Variants in RNF145 observed in about 807,000 individuals in gnomAD.
The protein encoded by RNF145 is ring finger protein 145.
RNF145 carries 12 observed loss-of-function variants against 57.3 expected under a neutral mutation model. The observed-to-expected ratio is 0.21, with a 90% CI of 0.13 to 0.34. The LOEUF is 0.34. RNF145 is among the 10% of genes least tolerant of loss of function. The pLI is 1.00. For synonymous variants in RNF145, 262 were observed against 288.3 expected, an observed-to-expected ratio of 0.91 and a Z score of 0.92; for missense variants, 429 against 799.0, an observed-to-expected ratio of 0.54 and a Z score of 5.58.
chr5:159,187,774 T>C (rs985883776), intron 3 of RNF145, among the ~76,000 whole-genome samples: 1 of 152,136 alleles, frequency 6.6e-6, no homozygotes, highest in Non-Finnish European at 1.5e-5. Flanking sequence ...CAACATCCTA[T>C]AATGCACAGG....
rs1457356848 is a variant in RNF145, at chr5:159,176,789, G to T, written c.464C>A (p.Pro155His). 1 of 1,612,622 alleles carries T rather than the reference G, an allele frequency of 6.2e-7. No individual in the cohort carries two copies. Among genetic ancestry groups the T allele is most frequent in the Non-Finnish European group, 8.5e-7 (1 of 1,179,022 alleles). Residue 155 changes from proline (P) to histidine (H), a missense_variant, in exon 5 of 11, where the codon CCT becomes CAT. By Grantham distance (77) the Pro-to-His change is moderately conservative. Transcript: ENST00000424310. The stretch of plus-strand genomic sequence containing the variant: ...AACAAGGCAGAGTCGTGCTAGCAGA[G>T]GAAGCATGTGAGCTGAAAACAGCCA... The part of the protein sequence containing the change: ...QIWLFSAHML[P>H]LLARLCLVPL...
At position 159,158,649 on chromosome 5, in the gene RNF145, A is replaced by G; in HGVS notation, c.*21T>C. ...AACTTCTCCTCCAGAGTATCAAAGC[A>G]TCATTCCTGCTGCTTCTCCTCTAGG... On this transcript the variant is annotated 3_prime_UTR_variant, in exon 11 of 11. Coordinates refer to ENST00000424310, the MANE Select transcript of RNF145 (RefSeq NM_001199383.2). 6.2e-7 allele frequency: 1 copy of G among 1,605,732 alleles called. No homozygotes were observed. The highest frequency in any genetic ancestry group is 8.5e-7 in the Non-Finnish European group (1 of 1,174,482).
intron 1 of RNF145, among the ~76,000 whole-genome samples, chr5:159,205,130 C>T (rs374503690): frequency 6.6e-6 from 1 of 152,134 alleles, no homozygotes; most frequent in African/African-American, 2.4e-5. Context: ...TCAATAAAAG[C>T]TTTTCAATAA....
chr5:159,188,819 T>C (rs1350661940), intron 3 of RNF145, among the ~76,000 whole-genome samples: 1 of 152,214 alleles, frequency 6.6e-6, no homozygotes, highest in African/African-American at 2.4e-5. Context: ...AGTTTCATTA[T>C]GTAAATACAC....
chr5:159,161,865 C>A (rs1784228812), intron 9 of RNF145, among the ~76,000 whole-genome samples: 1 of 152,186 alleles, frequency 6.6e-6, no homozygotes, highest in Non-Finnish European at 1.5e-5. Context: ...GCCACACCGT[C>A]AGACGTGACT....
chr5:159,163,313 T>C (rs562303326), intron 8 of RNF145, among the ~76,000 whole-genome samples: 2 of 152,350 alleles, frequency 1.3e-5, no homozygotes, highest in African/African-American at 2.4e-5. Flanking sequence ...TGTTCCTCAA[T>C]AGTTTGCTTT....
intron 4 of RNF145, among the ~76,000 whole-genome samples, chr5:159,179,600 A>T (rs1375454917): frequency 2.0e-5 from 3 of 152,146 alleles, no homozygotes; most frequent in African/African-American, 7.2e-5. Flanking sequence ...GGCCACTGAT[A>T]AGAAGAGTTT....
intron 3 of RNF145, among the ~76,000 whole-genome samples, chr5:159,184,428 T>C (rs1784993936): frequency 6.6e-6 from 1 of 152,196 alleles, no homozygotes; most frequent in Non-Finnish European, 1.5e-5. Context: ...TAGACTCTGC[T>C]AATACTGCAC....
chr5:159,196,018 C>T (rs892912067), intron 2 of RNF145, among the ~76,000 whole-genome samples: 1 of 152,166 alleles, frequency 6.6e-6, no homozygotes, highest in Non-Finnish European at 1.5e-5. Context: ...ATAAATTCCT[C>T]TCATGTGTTA....
intron 8 of RNF145, among the ~76,000 whole-genome samples, chr5:159,164,430 A>C (rs1473480495): frequency 6.6e-6 from 1 of 152,156 alleles, no homozygotes; most frequent in African/African-American, 2.4e-5. Context: ...GCCAGCTATG[A>C]TTTATATGAA....
intron 8 of RNF145, among the ~76,000 whole-genome samples, chr5:159,165,756 C>CT (rs1784376209): frequency 6.9e-6 from 1 of 145,972 alleles, no homozygotes; most frequent in Non-Finnish European, 1.5e-5. Flanking sequence ...ACATTATCAT[C>CT]TTTTTGGATT....
intron 3 of RNF145, among the ~76,000 whole-genome samples, chr5:159,187,777 T>C (rs1785131991): frequency 6.6e-6 from 1 of 152,192 alleles, no homozygotes; most frequent in Non-Finnish European, 1.5e-5. Flanking sequence ...CATCCTATAA[T>C]GCACAGGACA....
chr5:159,158,055 A>ACCC lies in RNF145; in HGVS notation c.*612_*614dup, dbSNP rs1784099513. Reference sequence around the variant, plus strand: ...ACCCGCAAGGCCCAAGTGCCCACCCACCCCTTCCCTAAAGCACATACAAAG... The same window carrying ACCC: ...ACCCGCAAGGCCCAAGTGCCCACCCACCCCCCCTTCCCTAAAGCACATACAAAG... On this transcript the variant is annotated 3_prime_UTR_variant, in exon 11 of 11. Coordinates refer to ENST00000424310, the MANE Select transcript of RNF145 (RefSeq NM_001199383.2). 7.1e-6 allele frequency: 1 copy of ACCC among 141,226 alleles called. No homozygotes were observed. The highest frequency in any genetic ancestry group is 2.6e-5 in the African/African-American group (1 of 38,184). 8.7% of individuals were successfully genotyped at this position (141,226 alleles called of 1,614,324 possible). A position where few individuals can be genotyped will look rare whatever the true frequency, so the allele number is the denominator to read the frequency against.
upstream of RNF145, chr5:159,209,633 C>T: frequency 9.4e-7 from 1 of 1,059,574 alleles, no homozygotes; most frequent in South Asian, 4.2e-5. Context: ...CGCGCGCCCG[C>T]GCTCACTCAC....
chr5:159,193,621 T>C (rs982340654), intron 3 of RNF145, among the ~76,000 whole-genome samples: 6 of 152,208 alleles, frequency 3.9e-5, no homozygotes, highest in Non-Finnish European at 7.3e-5. Flanking sequence ...CATCTATCTC[T>C]GGGTGGTATA....
At position 159,161,612 on chromosome 5, in the gene RNF145, G is replaced by A; in HGVS notation, c.1280C>T (p.Thr427Ile). The A allele has an allele frequency of 1.3e-6, 2 of 1,515,244 alleles. No individual in the cohort carries two copies. The highest frequency in any genetic ancestry group is 1.8e-6 in the Non-Finnish European group (2 of 1,134,640). 93.9% of individuals were successfully genotyped at this position (1,515,244 alleles called of 1,614,324 possible). Residue 427 changes from threonine (T) to isoleucine (I), a missense_variant, in exon 10 of 11, where the codon ACA (threonine) becomes ATA (isoleucine). By Grantham distance (89) the Thr-to-Ile change is moderately conservative. Around this residue, in one of 4 missense-constraint regions of RNF145, gnomAD observed 216 missense variants for 457.6 expected, o/e 0.47. Coordinates refer to ENST00000424310, the MANE Select transcript of RNF145 (RefSeq NM_001199383.2). ...SILTSLQVLG[T>I]LFIYVLFMVE... ...CATAAATAAGACATAAATAAAAAGTGTTCCCAGAACCTGAAAAAAAAAAAA... is the reference window on the plus strand; with the variant it reads ...CATAAATAAGACATAAATAAAAAGTATTCCCAGAACCTGAAAAAAAAAAAA...
intron 8 of RNF145, among the ~76,000 whole-genome samples, chr5:159,164,646 A>C (rs1784335704): frequency 6.6e-6 from 1 of 151,212 alleles, no homozygotes; most frequent in Non-Finnish European, 1.5e-5. Flanking sequence ...ATAAAATATA[A>C]AAATAAGGGA....
chr5:159,165,793 T>C (rs1006975455), intron 8 of RNF145, among the ~76,000 whole-genome samples: 5 of 151,762 alleles, frequency 3.3e-5, no homozygotes, highest in Non-Finnish European at 7.4e-5. Context: ...GCTGCTATGA[T>C]CATTCATACT....
chr5:159,202,016 A>G (rs528072537), intron 2 of RNF145, among the ~76,000 whole-genome samples: 1 of 152,356 alleles, frequency 6.6e-6, no homozygotes, highest in South Asian at 2.1e-4. Flanking sequence ...TTCAAGCTGA[A>G]AATATCTGTT....
Sources: gnomAD v4.1 joint callset for allele counts (sites outside exome capture counted in the v4.1 genomes callset) on GRCh38, gnomAD v4.1.1 for gene constraint, gnomAD v4.1.1 regional missense constraint, MANE v1.5 for transcripts, NCBI Gene and HGNC (gene_info 2026-07-23, HGNC 2026-07-21) for gene names.